The following PIGN variants were observed in gnomAD, a reference collection of about 807,000 sequenced individuals.
PIGN encodes GPI ethanolamine phosphate transferase 1.
A neutral mutation model predicts 125.4 loss-of-function variants in PIGN; 117 were observed. The observed-to-expected ratio is 0.93, with a 90% confidence interval of 0.80 to 1.09. The LOEUF (loss-of-function observed/expected upper bound fraction) is 1.09. Ranked by LOEUF, PIGN falls within the 50% of genes least tolerant of loss-of-function variation. The pLI, the probability that PIGN is intolerant of heterozygous loss-of-function variation, is 0.00. For missense variants in PIGN, 1,075 were observed against 1,094.9 expected, an observed-to-expected ratio of 0.98 and a Z score of 0.26; for synonymous variants, 392 against 377.8, an observed-to-expected ratio of 1.04 and a Z score of -0.44.
Position 62,157,246 on chromosome 18 carries a change from C to A in PIGN, c.344-19G>T, listed in dbSNP as rs764432688. The A allele has an allele frequency of 1.9e-5, 26 of 1,382,246 alleles. No homozygotes were observed. In the South Asian group the frequency reaches 3.0e-4, roughly 16 times the overall value. The allele number at this position is 1,382,246 out of a possible 1,614,324, so 85.6% of individuals were successfully genotyped here. A position where few individuals can be genotyped will look rare whatever the true frequency, so the allele number is the denominator to read the frequency against. ...TTCCATCCTTCAGAAAGCAAGCAAG[C>A]AGTAATAGTTATATACACATGGTAC... On this transcript the variant is annotated intron_variant, in intron 5 of 30. Coordinates refer to ENST00000640252, the MANE Select transcript of PIGN (RefSeq NM_176787.5).
intron 14 of PIGN, among the ~76,000 whole-genome samples, chr18:62,128,472 G>A (rs2035616216): frequency 6.6e-6 from 1 of 152,074 alleles, no homozygotes; most frequent in Admixed American, 6.6e-5. Context: ...ATTTAAACAA[G>A]GAACTTTAGA....
intron 6 of PIGN, 58 bp from the exon 7 acceptor site, chr18:62,154,709 A>C: frequency 1.2e-6 from 1 of 832,386 alleles, no homozygotes; most frequent in Non-Finnish European, 2.0e-6. Context: ...ACTATCATAA[A>C]ATATGAGCTA....
chr18:62,102,334 C>T (rs2034477976), intron 21 of PIGN, among the ~76,000 whole-genome samples: 1 of 148,178 alleles, frequency 6.7e-6, no homozygotes, highest in South Asian at 2.3e-4. Flanking sequence ...AATTTTGAAA[C>T]ATCAAGTTCA....
intron 1 of PIGN, among the ~76,000 whole-genome samples, chr18:62,182,810 C>G (rs1373233836): frequency 1.3e-5 from 2 of 152,018 alleles, no homozygotes; most frequent in African/African-American, 4.8e-5. Flanking sequence ...GTTCCTGAAG[C>G]CTGGTATGCT....
intron 30 of PIGN, among the ~76,000 whole-genome samples, chr18:62,046,247 T>A (rs1271629536): frequency 6.6e-6 from 1 of 152,058 alleles, no homozygotes; most frequent in African/African-American, 2.4e-5. Context: ...TATAAAATGG[T>A]GCCGTATTTG....
intron 23 of PIGN, among the ~76,000 whole-genome samples, chr18:62,025,205 C>T (rs1490408360): frequency 6.6e-6 from 1 of 152,184 alleles, no homozygotes; most frequent in South Asian, 2.1e-4. Context: ...ATTTGCTACA[C>T]CTGTATGGTA....
chr18:62,141,002 G>T (rs578121083), intron 11 of PIGN, among the ~76,000 whole-genome samples: 2 of 152,260 alleles, frequency 1.3e-5, no homozygotes, highest in South Asian at 4.1e-4. Context: ...CGGAAGAGTT[G>T]TTCATGCTTT....
intron 23 of PIGN, among the ~76,000 whole-genome samples, chr18:62,091,898 A>G (rs1164259968): frequency 6.6e-6 from 1 of 152,184 alleles, no homozygotes; most frequent in African/African-American, 2.4e-5. Context: ...ATATTTGCTG[A>G]GTGAGTTATT....
At chr18:62,019,336 A>T (rs940991898) in intron 23 of PIGN, among the ~76,000 whole-genome samples, 2 of 152,222 alleles carry the variant, frequency 1.3e-5, no homozygotes, top group Non-Finnish European at 2.9e-5. Flanking sequence ...ATTATTTCCA[A>T]ACTTTAATGT....
intron 14 of PIGN, among the ~76,000 whole-genome samples, chr18:62,126,953 C>T (rs1212975027): frequency 6.6e-6 from 1 of 152,146 alleles, no homozygotes; most frequent in Non-Finnish European, 1.5e-5. Flanking sequence ...AATGATTCAA[C>T]TTCCATTGTA....
At chr18:62,153,545 A>G (rs2036613083) in intron 7 of PIGN, 1 of 152,208 alleles carries the variant, frequency 6.6e-6, no homozygotes, top group Non-Finnish European at 1.5e-5. Flanking sequence ...TGCAGATATT[A>G]ATATTAGCAC....
At chr18:62,085,897 T>C (rs994210440) in intron 25 of PIGN, among the ~76,000 whole-genome samples, 2 of 152,220 alleles carry the variant, frequency 1.3e-5, no homozygotes, top group Non-Finnish European at 2.9e-5. Context: ...AAGGGCTTGA[T>C]AAGCATTAGC....
chr18:62,101,304 A>T, intron 21 of PIGN, 121 bp from the exon 22 acceptor site: 1 of 647,574 alleles, frequency 1.5e-6, no homozygotes, highest in Non-Finnish European at 2.7e-6. Flanking sequence ...GTATCTTGGA[A>T]TCAATGAAAT....
chr18:62,078,688 G>A (rs1465957884), intron 28 of PIGN, among the ~76,000 whole-genome samples: 2 of 152,198 alleles, frequency 1.3e-5, no homozygotes, highest in Non-Finnish European at 2.9e-5. Flanking sequence ...TTGAAGTCAG[G>A]TTAGTTATAT....
At chr18:62,096,621 G>A (rs1323927570) in intron 22 of PIGN, among the ~76,000 whole-genome samples, 3 of 119,032 alleles carry the variant, frequency 2.5e-5, no homozygotes, top group South Asian at 3.0e-4. Context: ...ATGCTGGTGC[G>A]CTGCACCCAC....
At chr18:62,101,020 T>C in intron 22 of PIGN, 55 bp downstream of exon 22, 3 of 912,226 alleles carry the variant, frequency 3.3e-6, no homozygotes, top group Non-Finnish European at 5.5e-6. Context: ...ACAGATCATT[T>C]TAAAATAACT....
In PIGN at chr18:62,162,338, C is replaced by A. The variant is rs537456133; in HGVS notation, c.-109-9G>T. ...CTATTGTTGGTGAATCTCTGCAGAT[C>A]GAGGAGAAAAAAAAAAGTATTGGAA... On this transcript the variant is annotated splice_polypyrimidine_tract_variant and intron_variant, in intron 2 of 30. Coordinates refer to ENST00000640252, the MANE Select transcript of PIGN (RefSeq NM_176787.5). 3.3e-5 allele frequency: 5 copies of A among 151,024 alleles called. No individual in the cohort carries two copies. The highest frequency in any genetic ancestry group is 9.7e-5 in the African/African-American group (4 of 41,092). 9.4% of individuals were successfully genotyped at this position (151,024 alleles called of 1,614,324 possible). A position where few individuals can be genotyped will look rare whatever the true frequency, so the allele number is the denominator to read the frequency against.
intron 1 of PIGN, among the ~76,000 whole-genome samples, chr18:62,166,759 T>C (rs2037149610): frequency 6.6e-6 from 1 of 152,098 alleles, no homozygotes; most frequent in African/African-American, 2.4e-5. Flanking sequence ...TGCAGGGACA[T>C]AGATGAAACC....
intron 27 of PIGN, among the ~76,000 whole-genome samples, chr18:62,084,306 A>C (rs904355569): frequency 6.6e-6 from 1 of 152,194 alleles, no homozygotes; most frequent in South Asian, 2.1e-4. Flanking sequence ...AGATCCTCTC[A>C]GATTAACAGT....
Sources: allele counts gnomAD v4.1 joint callset (sites outside exome capture counted in the v4.1 genomes callset), GRCh38; gene constraint gnomAD v4.1.1; transcripts MANE v1.5; gene names NCBI Gene and HGNC (gene_info 2026-07-23, HGNC 2026-07-21).